The following PDE1C variants were observed in gnomAD, a reference collection of about 807,000 sequenced individuals.
PDE1C encodes phosphodiesterase 1C.
In PDE1C, 62 loss-of-function variants were observed where a neutral mutation model predicts 93.1. The ratio of observed to expected loss-of-function variants is 0.67; its 90% CI spans 0.54 to 0.82. The LOEUF (loss-of-function observed/expected upper bound fraction) is 0.82. Among genes scored for constraint, PDE1C ranks in the 40% least tolerant of loss-of-function variants. The probability of loss-of-function intolerance (pLI) is 0.00; values close to 1 mark genes in which losing one functional copy is unlikely to be tolerated. For missense variants in PDE1C, 742 were observed against 884.6 expected, an observed-to-expected ratio of 0.84 and a Z score of 2.04; for synonymous variants, 325 against 310.1, an observed-to-expected ratio of 1.05 and a Z score of -0.50.
chr7:31,888,795 G>A (rs1250543356), intron 2 of PDE1C, among the ~76,000 whole-genome samples: 1 of 151,414 alleles, frequency 6.6e-6, no homozygotes, highest in South Asian at 2.1e-4. Flanking sequence ...ATAGACATAG[G>A]ACTGGAAAAA....
At chr7:32,345,395 C>T (rs1482558737) in intron 1 of PDE1C, among the ~76,000 whole-genome samples, 2 of 152,136 alleles carry the variant, frequency 1.3e-5, no homozygotes, top group East Asian at 1.9e-4. Flanking sequence ...ATCAAGTAAG[C>T]GAGTGGCAAC....
At chr7:31,874,122 C>A (rs1043876139) in intron 5 of PDE1C, among the ~76,000 whole-genome samples, 1 of 152,168 alleles carries the variant, frequency 6.6e-6, no homozygotes, top group South Asian at 2.1e-4. Context: ...AGTCTGGGAT[C>A]TTGTCCTCAA....
intron 5 of PDE1C, among the ~76,000 whole-genome samples, chr7:31,874,660 C>G (rs1323790519): frequency 6.6e-6 from 1 of 152,232 alleles, no homozygotes; most frequent in African/African-American, 2.4e-5. Flanking sequence ...ATAGGAAAAT[C>G]AGACTTTTCC....
At chr7:32,388,988 C>T (rs1312361738) in intron 1 of PDE1C, among the ~76,000 whole-genome samples, 1 of 151,910 alleles carries the variant, frequency 6.6e-6, no homozygotes, top group African/African-American at 2.4e-5. Flanking sequence ...CAGAATGAAC[C>T]AAAAGAAAAT....
chr7:32,207,687 CGT>C (rs1272139421), intron 2 of PDE1C, among the ~76,000 whole-genome samples: 1 of 152,124 alleles, frequency 6.6e-6, no homozygotes, highest in Non-Finnish European at 1.5e-5. Flanking sequence ...TACACAGATA[CGT>C]GTTCATCATG....
the PDE1C span, among the ~76,000 whole-genome samples, chr7:31,699,954 CCTAT>C: frequency 1.3e-5 from 2 of 152,048 alleles, no homozygotes; most frequent in African/African-American, 4.8e-5. Flanking sequence ...AAACAATTCC[CCTAT>C]CTCTCTCCCT....
chr7:31,694,387 AACACACACAC>A, the PDE1C span, among the ~76,000 whole-genome samples: 1 of 141,598 alleles, frequency 7.1e-6, no homozygotes, highest in African/African-American at 2.6e-5. Context: ...CTCTCTCTCA[AACACACACAC>A]ACACACACAC....
chr7:32,366,231 TATC>T (rs1189785204), intron 1 of PDE1C, among the ~76,000 whole-genome samples: 5 of 152,038 alleles, frequency 3.3e-5, no homozygotes, highest in Non-Finnish European at 5.9e-5. Context: ...AAGAGATAGA[TATC>T]ATTAAAAAAG....
At chr7:32,400,629 T>A (rs1226566339) in intron 1 of PDE1C, among the ~76,000 whole-genome samples, 1 of 152,216 alleles carries the variant, frequency 6.6e-6, no homozygotes, top group East Asian at 1.9e-4. Flanking sequence ...TCCTCAGAGT[T>A]CACATTGGAA....
the PDE1C span, among the ~76,000 whole-genome samples, chr7:31,670,027 T>G: frequency 6.6e-6 from 1 of 152,188 alleles, no homozygotes; most frequent in African/African-American, 2.4e-5. Flanking sequence ...GGTCCCAAGG[T>G]ATCTCTCCAG....
chr7:31,703,452 G>A, the PDE1C span, among the ~76,000 whole-genome samples: 2 of 152,136 alleles, frequency 1.3e-5, no homozygotes, highest in African/African-American at 4.8e-5. Context: ...GTGGGAAGGG[G>A]GAGAGGTTGT....
chr7:31,652,762 C>G, the PDE1C span: 1 of 1,613,912 alleles, frequency 6.2e-7, no homozygotes, highest in Non-Finnish European at 8.5e-7. Context: ...TCAGCTTGGG[C>G]AAAGTTAGGT....
chr7:31,835,121 T>G (rs1353529925), intron 11 of PDE1C, among the ~76,000 whole-genome samples: 2 of 152,184 alleles, frequency 1.3e-5, no homozygotes, highest in African/African-American at 2.4e-5. Context: ...CTGCCATGAC[T>G]GTGAGGCCTC....
intron 2 of PDE1C, among the ~76,000 whole-genome samples, chr7:31,931,566 C>G (rs1253308373): frequency 2.0e-5 from 3 of 152,142 alleles, no homozygotes; most frequent in Non-Finnish European, 4.4e-5. Context: ...GAACTACAAA[C>G]CACTGTTCAA....
intron 1 of PDE1C, among the ~76,000 whole-genome samples, chr7:32,316,256 A>G (rs987580899): frequency 3.9e-5 from 6 of 152,222 alleles, no homozygotes; most frequent in African/African-American, 1.2e-4. Flanking sequence ...TGGAAATTAC[A>G]TGTCAACTTT....
intron 16 of PDE1C, among the ~76,000 whole-genome samples, chr7:31,805,258 T>C (rs949707097): frequency 6.6e-6 from 1 of 151,612 alleles, no homozygotes; most frequent in African/African-American, 2.4e-5. Flanking sequence ...GACAGACTAA[T>C]ACAAGCAGGA....
At chr7:32,392,903 G>T (rs1784775889) in intron 1 of PDE1C, among the ~76,000 whole-genome samples, 1 of 151,816 alleles carries the variant, frequency 6.6e-6, no homozygotes, top group African/African-American at 2.4e-5. Context: ...ACAAAAATTA[G>T]CCAGGCATGG....
At chr7:31,933,171 A>G (rs1165958578) in intron 2 of PDE1C, among the ~76,000 whole-genome samples, 1 of 152,150 alleles carries the variant, frequency 6.6e-6, no homozygotes, top group East Asian at 1.9e-4. Flanking sequence ...ACCATGGTAC[A>G]TGTATACCTA....
intron 1 of PDE1C, among the ~76,000 whole-genome samples, chr7:32,340,528 G>A (rs1224364714): frequency 6.6e-6 from 1 of 152,154 alleles, no homozygotes; most frequent in Non-Finnish European, 1.5e-5. Context: ...ACACGCGAAG[G>A]AATTTGTATC....
Sources: gnomAD v4.1 joint callset for allele counts (sites outside exome capture counted in the v4.1 genomes callset) on GRCh38, gnomAD v4.1.1 for gene constraint, MANE v1.5 for transcripts, NCBI Gene and HGNC (gene_info 2026-07-23, HGNC 2026-07-21) for gene names.